Variants in SORCS2 observed in about 807,000 individuals in gnomAD.
The protein encoded by SORCS2 is sortilin related VPS10 domain containing receptor 2.
Under a neutral mutation model 141.6 loss-of-function variants are expected in SORCS2, and 100 were observed. The ratio of observed to expected loss-of-function variants is 0.71; its 90% confidence interval spans 0.60 to 0.83. The LOEUF (loss-of-function observed/expected upper bound fraction) is 0.83. SORCS2 is among the 40% of genes least tolerant of loss of function. The pLI, the probability that SORCS2 is intolerant of heterozygous loss-of-function variation, is 0.00. For synonymous variants in SORCS2, 789 were observed against 676.9 expected (o/e 1.17, Z -2.57); for missense variants, 1,646 against 1,560.2 (o/e 1.05, Z -0.93).
chr4:7,206,998 C>A (rs1577274870), intron 1 of SORCS2, among the ~76,000 whole-genome samples: 1 of 152,262 alleles, frequency 6.6e-6, no homozygotes, highest in East Asian at 1.9e-4. Context: ...CAGCATCACC[C>A]ACCTGCTCGC....
chr4:7,294,416 G>A lies in SORCS2; in HGVS notation c.480+101290G>A, dbSNP rs188013727. 7.2e-5 allele frequency among the ~76,000 whole-genome samples: 11 copies of A among 152,054 alleles called. No individual in the cohort carries two copies. In the South Asian group the frequency reaches 1.0e-3, roughly 14 times the overall value. On this transcript the variant is annotated intron_variant, in intron 1 of 26. Transcript: ENST00000507866. The stretch of plus-strand genomic sequence containing the variant: ...GTAGGGCAGGAGGCTGTGTCTCCCC[G>A]CAGCCGACCTTCTGGGAACTGCGGC...
intron 1 of SORCS2, among the ~76,000 whole-genome samples, chr4:7,241,187 C>T (rs1712670798): frequency 6.6e-6 from 1 of 152,154 alleles, no homozygotes; most frequent in Non-Finnish European, 1.5e-5. Flanking sequence ...GATCTGCCTG[C>T]CTTGGCCTCC....
chr4:7,714,155 G>A, intron 15 of SORCS2, 85 bp from the exon 16 acceptor site: 1 of 1,505,000 alleles, frequency 6.6e-7, no homozygotes, highest in African/African-American at 1.4e-5. Flanking sequence ...GCCATCTTCA[G>A]GCTCTGGCAG....
chr4:7,304,588 G>A (rs1232016018), intron 1 of SORCS2, among the ~76,000 whole-genome samples: 3 of 152,218 alleles, frequency 2.0e-5, no homozygotes, highest in Admixed American at 1.3e-4. Context: ...CCTCATCAGT[G>A]CTCAGTAAAC....
At chr4:7,550,040 G>A (rs1713564234) in intron 3 of SORCS2, among the ~76,000 whole-genome samples, 1 of 151,464 alleles carries the variant, frequency 6.6e-6, no homozygotes, top group Non-Finnish European at 1.5e-5. Context: ...CAGGGCCGGG[G>A]AGAGCTGGTG....
At chr4:7,675,761 G>C (rs1723063272) in intron 8 of SORCS2, among the ~76,000 whole-genome samples, 1 of 152,194 alleles carries the variant, frequency 6.6e-6, no homozygotes, top group Non-Finnish European at 1.5e-5. Flanking sequence ...GGCCTGATGT[G>C]GGACCAGGAG....
intron 1 of SORCS2, among the ~76,000 whole-genome samples, chr4:7,301,608 G>T (rs777497885): frequency 1.3e-5 from 2 of 152,246 alleles, no homozygotes; most frequent in African/African-American, 4.8e-5. Context: ...CTAGGTTGGC[G>T]CCTGCTGCCA....
At chr4:7,402,640 G>T (rs1163615291) in intron 2 of SORCS2, among the ~76,000 whole-genome samples, 1 of 152,156 alleles carries the variant, frequency 6.6e-6, no homozygotes, top group Non-Finnish European at 1.5e-5. Context: ...CAGATGCTTG[G>T]ATAGGGTGGA....
At chr4:7,668,378 A>T (rs967558842) in intron 8 of SORCS2, among the ~76,000 whole-genome samples, 1 of 152,164 alleles carries the variant, frequency 6.6e-6, no homozygotes, top group African/African-American at 2.4e-5. Context: ...GGGACTCTTT[A>T]TCCAAAGCCC....
intron 1 of SORCS2, among the ~76,000 whole-genome samples, chr4:7,380,115 CG>C (rs200447818): frequency 0.012 from 1,841 of 152,134 alleles, 32 homozygotes; most frequent in Middle Eastern, 0.037. Context: ...TCAGAAAGCC[CG>C]GAGATGGGTA....
At chr4:7,244,405 C>T (rs1185040712) in intron 1 of SORCS2, among the ~76,000 whole-genome samples, 1 of 152,260 alleles carries the variant, frequency 6.6e-6, no homozygotes, top group African/African-American at 2.4e-5. Flanking sequence ...TGGAACGCGG[C>T]GCTGCTCCTG....
chr4:7,382,902 A>G (rs937059358), intron 1 of SORCS2, among the ~76,000 whole-genome samples: 7 of 152,182 alleles, frequency 4.6e-5, no homozygotes, highest in Admixed American at 1.3e-4. Context: ...CACATGCTTT[A>G]ATTTCCTTTA....
At chr4:7,356,575 C>T (rs1189254682) in intron 1 of SORCS2, among the ~76,000 whole-genome samples, 1 of 152,200 alleles carries the variant, frequency 6.6e-6, no homozygotes, top group African/African-American at 2.4e-5. Context: ...CCCCCACCCT[C>T]GTGACTACTT....
chr4:7,557,850 G>T (rs1004366386), intron 3 of SORCS2, among the ~76,000 whole-genome samples: 1 of 152,206 alleles, frequency 6.6e-6, no homozygotes, highest in African/African-American at 2.4e-5. Flanking sequence ...GTGAAGAGTA[G>T]CCCTGCACCC....
chr4:7,710,524 G>A (rs1014353670), intron 14 of SORCS2, among the ~76,000 whole-genome samples: 2 of 152,218 alleles, frequency 1.3e-5, no homozygotes, highest in African/African-American at 4.8e-5. Flanking sequence ...TCTTAAGTGA[G>A]AGAAGACCCT....
At chr4:7,683,982 A>G (rs1232627667) in intron 10 of SORCS2, among the ~76,000 whole-genome samples, 1 of 152,174 alleles carries the variant, frequency 6.6e-6, no homozygotes, top group African/African-American at 2.4e-5. Flanking sequence ...CTCAGCTGCC[A>G]GGGACCAGTG....
chr4:7,389,311 C>T (rs1302025774), intron 1 of SORCS2, among the ~76,000 whole-genome samples: 1 of 152,112 alleles, frequency 6.6e-6, no homozygotes, highest in African/African-American at 2.4e-5. Flanking sequence ...TGGCCAAATC[C>T]TGTGTGATCC....
chr4:7,394,900 G>C (rs1724107634), intron 1 of SORCS2, among the ~76,000 whole-genome samples: 1 of 152,140 alleles, frequency 6.6e-6, no homozygotes, highest in African/African-American at 2.4e-5. Context: ...AGACTTTGAG[G>C]TCCCTTCCAG....
At chr4:7,302,930 A>G (rs556303850) in intron 1 of SORCS2, among the ~76,000 whole-genome samples, 2 of 152,282 alleles carry the variant, frequency 1.3e-5, no homozygotes, top group Non-Finnish European at 1.5e-5. Context: ...CACATTCGTA[A>G]TTGAGGTTTG....
Sources: gnomAD v4.1 joint callset for allele counts (sites outside exome capture counted in the v4.1 genomes callset) on GRCh38, gnomAD v4.1.1 for gene constraint, MANE v1.5 for transcripts, NCBI Gene and HGNC (gene_info 2026-07-23, HGNC 2026-07-21) for gene names.